The following SGCZ variants were observed in gnomAD, a reference collection of about 807,000 sequenced individuals.
The protein encoded by SGCZ is sarcoglycan zeta, also known as zeta-sarcoglycan.
A neutral mutation model predicts 41.3 loss-of-function variants in SGCZ; 40 were observed. The observed-to-expected ratio is 0.97, with a 90% confidence interval of 0.75 to 1.26. SGCZ has a LOEUF of 1.26. Ranked by LOEUF, SGCZ falls within the 50% of genes most tolerant of loss-of-function variation. The probability of loss-of-function intolerance (pLI) is 0.00; values close to 1 mark genes in which losing one functional copy is unlikely to be tolerated. For missense variants in SGCZ, 552 were observed against 369.8 expected (o/e 1.49, Z -4.04); for synonymous variants, 206 against 137.5 (o/e 1.50, Z -3.49).
At chr8:14,127,441 T>C (rs1194476552) in intron 5 of SGCZ, among the ~76,000 whole-genome samples, 1 of 152,070 alleles carries the variant, frequency 6.6e-6, no homozygotes. Context: ...GTGATTTATT[T>C]ATTCATTTTT....
chr8:14,383,536 T>G (rs1472633760), intron 2 of SGCZ, among the ~76,000 whole-genome samples: 1 of 152,218 alleles, frequency 6.6e-6, no homozygotes, highest in Non-Finnish European at 1.5e-5. Context: ...CTCACAATAA[T>G]ACCAATGGTA....
chr8:15,033,360 C>T (rs760765021), intron 1 of SGCZ, among the ~76,000 whole-genome samples: 3 of 152,004 alleles, frequency 2.0e-5, no homozygotes, highest in African/African-American at 4.8e-5. Flanking sequence ...ACCAGGCTAG[C>T]ACAAATAATC....
intron 2 of SGCZ, among the ~76,000 whole-genome samples, chr8:14,392,479 G>A (rs1407181478): frequency 6.6e-6 from 1 of 152,146 alleles, no homozygotes; most frequent in Non-Finnish European, 1.5e-5. Context: ...TAGAAATACG[G>A]TATTTGCTGA....
At chr8:14,616,355 C>T (rs1806106035) in intron 1 of SGCZ, among the ~76,000 whole-genome samples, 1 of 151,866 alleles carries the variant, frequency 6.6e-6, no homozygotes, top group Non-Finnish European at 1.5e-5. Flanking sequence ...TTACAATACA[C>T]TAAATATAAA....
At chr8:14,513,253 G>A (rs972244390) in intron 2 of SGCZ, among the ~76,000 whole-genome samples, 7 of 152,030 alleles carry the variant, frequency 4.6e-5, no homozygotes, top group Non-Finnish European at 8.8e-5. Flanking sequence ...GCCCAGGCTG[G>A]TCTTGAACTC....
intron 2 of SGCZ, among the ~76,000 whole-genome samples, chr8:14,391,621 G>C (rs796907212): frequency 3.9e-5 from 6 of 152,168 alleles, no homozygotes; most frequent in African/African-American, 1.4e-4. Context: ...GCATAGATGG[G>C]TATGAATTAA....
chr8:14,674,717 G>T (rs1248919350), intron 1 of SGCZ, among the ~76,000 whole-genome samples: 2 of 151,762 alleles, frequency 1.3e-5, no homozygotes, highest in South Asian at 4.2e-4. Flanking sequence ...CCTTTGTATT[G>T]TCCTTGAAAT....
intron 4 of SGCZ, among the ~76,000 whole-genome samples, chr8:14,229,678 A>T (rs1806493357): frequency 6.6e-6 from 1 of 152,088 alleles, no homozygotes; most frequent in Non-Finnish European, 1.5e-5. Context: ...CAATTAAAAA[A>T]AACATAAATT....
At chr8:14,371,290 GTAT>G (rs1177550948) in intron 2 of SGCZ, among the ~76,000 whole-genome samples, 1 of 151,870 alleles carries the variant, frequency 6.6e-6, no homozygotes, top group Non-Finnish European at 1.5e-5. Context: ...TCAGAAATAA[GTAT>G]TATTAGAATC....
intron 4 of SGCZ, among the ~76,000 whole-genome samples, chr8:14,194,291 G>A (rs1200701522): frequency 6.6e-6 from 1 of 152,022 alleles, no homozygotes; most frequent in East Asian, 1.9e-4. Context: ...GAATACTGTA[G>A]TTTATTCTGG....
chr8:14,308,819 A>T (rs1801428823), intron 3 of SGCZ, among the ~76,000 whole-genome samples: 1 of 152,166 alleles, frequency 6.6e-6, no homozygotes, highest in South Asian at 2.1e-4. Flanking sequence ...CTAATGCATT[A>T]AACCTCCATA....
intron 1 of SGCZ, among the ~76,000 whole-genome samples, chr8:14,630,773 G>T (rs572396674): frequency 6.7e-6 from 1 of 150,276 alleles, no homozygotes; most frequent in Non-Finnish European, 1.5e-5. Context: ...TCACAAGGAC[G>T]GAAAACCAAA....
At chr8:15,031,932 TC>T (rs1803684012) in intron 1 of SGCZ, among the ~76,000 whole-genome samples, 3 of 151,722 alleles carry the variant, frequency 2.0e-5, no homozygotes, top group African/African-American at 7.3e-5. Flanking sequence ...TCTCTCTCTC[TC>T]TCTCTGTCTG....
At chr8:14,883,045 T>G (rs986779063) in intron 1 of SGCZ, among the ~76,000 whole-genome samples, 1 of 152,116 alleles carries the variant, frequency 6.6e-6, no homozygotes, top group African/African-American at 2.4e-5. Flanking sequence ...AATAATTTTT[T>G]GAAAATAAAT....
intron 1 of SGCZ, among the ~76,000 whole-genome samples, chr8:14,929,940 A>AT (rs1351613975): frequency 6.6e-6 from 1 of 151,954 alleles, no homozygotes; most frequent in Admixed American, 6.6e-5. Flanking sequence ...ACATAACAGC[A>AT]TTTTCACTAT....
At chr8:14,718,830 T>G (rs1809784242) in intron 1 of SGCZ, among the ~76,000 whole-genome samples, 1 of 149,336 alleles carries the variant, frequency 6.7e-6, no homozygotes, top group South Asian at 2.1e-4. Flanking sequence ...TTTCTTTTTT[T>G]TTGTTTAAGA....
chr8:14,294,252 T>C (rs947727229), intron 3 of SGCZ, among the ~76,000 whole-genome samples: 6 of 151,918 alleles, frequency 3.9e-5, no homozygotes, highest in African/African-American at 1.4e-4. Flanking sequence ...ATATATTTAT[T>C]TGTGAGCTTC....
intron 1 of SGCZ, among the ~76,000 whole-genome samples, chr8:14,594,177 AAAATAAAT>A (rs147529594): frequency 0.14 from 18,966 of 136,040 alleles, 1,523 homozygotes; most frequent in East Asian, 0.32. Flanking sequence ...TCCATCTCAA[AAAATAAAT>A]AAATAAATAA....
At chr8:14,394,668 A>G (rs10090856) in intron 2 of SGCZ, among the ~76,000 whole-genome samples, 19,688 of 152,132 alleles carry the variant, frequency 0.13, 2,742 homozygotes, top group African/African-American at 0.35. Context: ...GAAATGACAA[A>G]GGCCTAAACT....
Sources: allele counts gnomAD v4.1 joint callset (sites outside exome capture counted in the v4.1 genomes callset), GRCh38; gene constraint gnomAD v4.1.1; transcripts MANE v1.5; gene names NCBI Gene and HGNC (gene_info 2026-07-23, HGNC 2026-07-21).